The following MVB12B variants were observed in gnomAD, a reference collection of about 807,000 sequenced individuals.
MVB12B encodes ESCRT-I complex subunit MVB12B.
Under a neutral mutation model 41.6 loss-of-function variants are expected in MVB12B, and 16 were observed. That is an observed-to-expected ratio of 0.38 (90% CI 0.26 to 0.58). The LOEUF (loss-of-function observed/expected upper bound fraction) is 0.58, where lower values mean the gene tolerates loss of function less well. MVB12B is among the 20% of genes least tolerant of loss of function. The pLI, the probability that MVB12B is intolerant of heterozygous loss-of-function variation, is 0.62. For missense variants in MVB12B, 274 were observed against 380.2 expected, an observed-to-expected ratio of 0.72 and a Z score of 2.32; for synonymous variants, 133 against 139.7, an observed-to-expected ratio of 0.95 and a Z score of 0.34.
At position 126,503,323 on chromosome 9, in the gene MVB12B, G is replaced by A; in HGVS notation, c.*60G>A. On this transcript the variant is annotated 3_prime_UTR_variant, in exon 10 of 10. Coordinates refer to ENST00000361171, the MANE Select transcript of MVB12B (RefSeq NM_033446.3). ...GCCCAGACTACTGACGGCAGGGGCTGCTGCCCCCGCCTCCTCCTGCCGCCT... is the reference window on the plus strand; with the variant it reads ...GCCCAGACTACTGACGGCAGGGGCTACTGCCCCCGCCTCCTCCTGCCGCCT... The A allele has an allele frequency of 3.6e-6, 5 of 1,392,028 alleles. No homozygotes were observed. The highest frequency in any genetic ancestry group is 4.1e-5 in the Admixed American group (2 of 49,300). The allele number at this position is 1,392,028 out of a possible 1,614,324, so 86.2% of individuals were successfully genotyped here. A position where few individuals can be genotyped will look rare whatever the true frequency, so the allele number is the denominator to read the frequency against.
chr9:126,443,787 A>G lies in MVB12B; in HGVS notation c.757+21839A>G, dbSNP rs79847562. Reference sequence around the variant, plus strand: ...TGCACATTTCAGTGACTTTTGACCAATGTCAAACTACAGGATAGCCGCCTC... The same window carrying G: ...TGCACATTTCAGTGACTTTTGACCAGTGTCAAACTACAGGATAGCCGCCTC... On this transcript the variant is annotated intron_variant, in intron 7 of 9. Coordinates refer to ENST00000361171, the MANE Select transcript of MVB12B (RefSeq NM_033446.3). Among the ~76,000 whole-genome samples, 1,352 of 152,342 alleles carry G rather than the reference A, an allele frequency of 8.9e-3. 16 individuals carry two copies. Among genetic ancestry groups the G allele is most frequent in the East Asian group, 0.044 (227 of 5,182 alleles).
chr9:126,420,373 G>T (rs1371936164), intron 6 of MVB12B, among the ~76,000 whole-genome samples: 1 of 152,152 alleles, frequency 6.6e-6, no homozygotes, highest in Non-Finnish European at 1.5e-5. Flanking sequence ...GCGTACAGTT[G>T]GTGCTTGATT....
intron 1 of MVB12B, among the ~76,000 whole-genome samples, chr9:126,335,635 T>C (rs1829251924): frequency 6.6e-6 from 1 of 152,206 alleles, no homozygotes; most frequent in African/African-American, 2.4e-5. Context: ...GCAAAGACCC[T>C]TTCTATGAAG....
chr9:126,415,569 A>G (rs1030846642), intron 6 of MVB12B, among the ~76,000 whole-genome samples: 3 of 152,192 alleles, frequency 2.0e-5, no homozygotes, highest in African/African-American at 7.2e-5. Context: ...GCATTTTCCA[A>G]GCCATTAACC....
intron 2 of MVB12B, among the ~76,000 whole-genome samples, chr9:126,369,923 G>C (rs1830288942): frequency 6.6e-6 from 1 of 152,090 alleles, no homozygotes. Context: ...AAAGTGCTGG[G>C]ATTACAGGTG....
chr9:126,416,949 T>G (rs766037895), intron 6 of MVB12B, among the ~76,000 whole-genome samples: 31 of 152,308 alleles, frequency 2.0e-4, no homozygotes, highest in Middle Eastern at 3.4e-3. Context: ...CCTGGGCCAC[T>G]TCTCCTTCGG....
chr9:126,345,863 C>T (rs929335081), intron 2 of MVB12B, among the ~76,000 whole-genome samples: 6 of 152,232 alleles, frequency 3.9e-5, no homozygotes, highest in East Asian at 1.9e-4. Flanking sequence ...ATCCAGGTTA[C>T]ATAGCCCCTT....
intron 8 of MVB12B, among the ~76,000 whole-genome samples, chr9:126,482,688 C>T (rs1006630789): frequency 1.3e-5 from 2 of 152,240 alleles, no homozygotes; most frequent in Non-Finnish European, 2.9e-5. Flanking sequence ...GTTTTGGCAG[C>T]ACAGAGAGCA....
At chr9:126,431,901 C>CA (rs1197041656) in intron 7 of MVB12B, among the ~76,000 whole-genome samples, 3 of 152,180 alleles carry the variant, frequency 2.0e-5, no homozygotes. Flanking sequence ...TCGGCTCATT[C>CA]TTATGGGACG....
Position 126,409,510 on chromosome 9 carries a change from G to A in MVB12B, c.663-12344G>A, listed in dbSNP as rs1256400973. Among the ~76,000 whole-genome samples the A allele has an allele frequency of 3.3e-5, 5 of 152,260 alleles. No individual in the cohort carries two copies. The East Asian group carries it at 9.7e-4, about 29-fold the overall frequency. ...GGGGGACACAGAAAGCACCACCCTG[G>A]TGCCCAGTGAGCACCCATGCATGCT... On this transcript the variant is annotated intron_variant, in intron 6 of 9. Transcript: ENST00000361171.
intron 1 of MVB12B, among the ~76,000 whole-genome samples, chr9:126,337,973 G>A (rs142696632): frequency 1.1e-3 from 166 of 152,308 alleles, no homozygotes; most frequent in African/African-American, 3.8e-3. Context: ...CGGTAGAGAC[G>A]CAGTTAAAAG....
At chr9:126,337,898 C>T (rs1829328396) in intron 1 of MVB12B, among the ~76,000 whole-genome samples, 4 of 152,164 alleles carry the variant, frequency 2.6e-5, no homozygotes, top group Admixed American at 2.0e-4. Context: ...AGGCTCCGCG[C>T]GGCCTGGGAA....
At chr9:126,487,949 G>T (rs1239355616) in intron 9 of MVB12B, among the ~76,000 whole-genome samples, 2 of 152,320 alleles carry the variant, frequency 1.3e-5, no homozygotes, top group Admixed American at 1.3e-4. Context: ...GGACTTAAAA[G>T]TTCCTTATAC....
At chr9:126,417,093 G>C (rs978869854) in intron 6 of MVB12B, among the ~76,000 whole-genome samples, 1 of 152,340 alleles carries the variant, frequency 6.6e-6, no homozygotes, top group Non-Finnish European at 1.5e-5. Flanking sequence ...CAGGAGTAGT[G>C]GAAGCAGAAA....
chr9:126,500,804 C>T (rs577458283), intron 9 of MVB12B, among the ~76,000 whole-genome samples: 58 of 152,362 alleles, frequency 3.8e-4, no homozygotes, highest in Middle Eastern at 3.4e-3. Flanking sequence ...TGCCCTTCCC[C>T]AGTCAGGCCC....
At position 126,440,723 on chromosome 9, in the gene MVB12B, G is replaced by A. The variant is rs547058628; in HGVS notation, c.757+18775G>A. On this transcript the variant is annotated intron_variant, in intron 7 of 9. Transcript: ENST00000361171. ...TTTTGTTTCAATTATTTTAAGGGAG[G>A]AAAAAAAAGAACCAGTGAGTTCAGA... Among the ~76,000 whole-genome samples the A allele has an allele frequency of 3.4e-4, 51 of 151,582 alleles. 1 individual carries two copies. Among genetic ancestry groups the A allele is most frequent in the Admixed American group, 3.9e-4 (6 of 15,254 alleles).
At chr9:126,489,512 A>G (rs1261126219) in intron 9 of MVB12B, among the ~76,000 whole-genome samples, 1 of 152,260 alleles carries the variant, frequency 6.6e-6, no homozygotes, top group Admixed American at 6.5e-5. Flanking sequence ...AGTTAGAATC[A>G]GTGGATGCGC....
chr9:126,375,812 T>G (rs1233720026), intron 2 of MVB12B, among the ~76,000 whole-genome samples: 1 of 152,242 alleles, frequency 6.6e-6, no homozygotes, highest in Non-Finnish European at 1.5e-5. Context: ...GACATTGTTA[T>G]CTTGTCTTTT....
chr9:126,348,919 A>G (rs562041175), intron 2 of MVB12B, among the ~76,000 whole-genome samples: 1 of 152,246 alleles, frequency 6.6e-6, no homozygotes, highest in South Asian at 2.1e-4. Flanking sequence ...AAACGTGCCC[A>G]GGTTTTTGTT....
Sources: gnomAD v4.1 joint callset for allele counts (sites outside exome capture counted in the v4.1 genomes callset) on GRCh38, gnomAD v4.1.1 for gene constraint, MANE v1.5 for transcripts, NCBI Gene and HGNC (gene_info 2026-07-23, HGNC 2026-07-21) for gene names.